FRMPD4: variants seen among roughly 807,000 people sequenced by gnomAD.
The protein encoded by FRMPD4 is FERM and PDZ domain containing 4.
A neutral mutation model predicts 94.1 loss-of-function variants in FRMPD4; 22 were observed. The ratio of observed to expected loss-of-function variants is 0.23; its 90% CI spans 0.17 to 0.33. The LOEUF (loss-of-function observed/expected upper bound fraction) is 0.33. Ranked by LOEUF, FRMPD4 falls within the 10% of genes least tolerant of loss-of-function variation. The probability of loss-of-function intolerance (pLI) is 1.00; values close to 1 mark genes in which losing one functional copy is unlikely to be tolerated. For synonymous variants in FRMPD4, 631 were observed against 548.6 expected (o/e 1.15, Z -2.10); for missense variants, 1,111 against 1,339.9 (o/e 0.83, Z 2.67).
At chrX:12,258,952 T>A (rs1468217176) in intron 1 of FRMPD4, among the ~76,000 whole-genome samples, 2 of 111,868 alleles carry the variant, frequency 1.8e-5, no homozygotes, top group Non-Finnish European at 3.8e-5. Flanking sequence ...AACCAACCTC[T>A]CTTCATTTCT....
chrX:12,400,818 C>G (rs143031373), intron 1 of FRMPD4, among the ~76,000 whole-genome samples: 2 of 112,133 alleles, frequency 1.8e-5, no homozygotes, highest in African/African-American at 6.5e-5. Context: ...GATTTGAAGA[C>G]AACACTTGGA....
rs954337662 is a variant in FRMPD4 at position 12,401,696 on chromosome X, A to G, written c.42-96984A>G. Among the ~76,000 whole-genome samples, 3 of 112,174 alleles carry G rather than the reference A, an allele frequency of 2.7e-5. No homozygotes were observed. The Admixed American group carries it at 2.8e-4, about 11-fold the overall frequency. ...AGAGTCAGTTGGCCTTAGATATGTT[A>G]TCCTATGAATATTTCAGAGACATAA... On this transcript the variant is annotated intron_variant, in intron 1 of 16. Transcript: ENST00000675598.
intron 1 of FRMPD4, among the ~76,000 whole-genome samples, chrX:11,841,756 A>G (rs758929977): frequency 0.043 from 4,533 of 104,545 alleles, 86 homozygotes; most frequent in African/African-American, 0.088. Flanking sequence ...GTTTAATTAG[A>G]TCCCATTTGT....
At chrX:12,652,461 T>C (rs948726352) in intron 4 of FRMPD4, among the ~76,000 whole-genome samples, 1 of 111,954 alleles carries the variant, frequency 8.9e-6, no homozygotes, top group African/African-American at 3.2e-5. Context: ...ATCACCGTTA[T>C]CTATTTTCAA....
chrX:12,402,455 ACCAT>A (rs1367743023), intron 1 of FRMPD4, among the ~76,000 whole-genome samples: 3 of 111,404 alleles, frequency 2.7e-5, no homozygotes, highest in Non-Finnish European at 5.7e-5. Context: ...AGTAAGTTGC[ACCAT>A]CTCAGTTACT....
At chrX:11,965,790 G>A (rs149110934) in intron 3 of FRMPD4, among the ~76,000 whole-genome samples, 252 of 112,032 alleles carry the variant, frequency 2.2e-3, no homozygotes, top group African/African-American at 7.7e-3. Flanking sequence ...AAAAGAAAGC[G>A]GTATTAGCTA....
intron 3 of FRMPD4, among the ~76,000 whole-genome samples, chrX:11,983,032 A>G (rs1286454133): frequency 3.6e-5 from 4 of 111,718 alleles, no homozygotes; most frequent in Non-Finnish European, 7.5e-5. Context: ...TGCAGAAAAT[A>G]TTGATGCTTG....
rs868033244 is a variant in FRMPD4, at chrX:11,899,061, A to G, written c.95+21043A>G. On this transcript the variant is annotated intron_variant, in intron 3 of 18. Coordinates refer to the FRMPD4 transcript ENST00000640291. ...AAAACTACGAAATGGCTTTTCCATC[A>G]AAGCAAATTTGAAAAAGTATTGAGA... is the stretch of plus-strand genomic sequence containing the variant. 1.2e-4 allele frequency among the ~76,000 whole-genome samples: 13 copies of G among 112,700 alleles called. No individual in the cohort carries two copies. The Middle Eastern group carries it at 0.014, about 119-fold the overall frequency.
chrX:12,367,579 C>T (rs913333571), intron 1 of FRMPD4, among the ~76,000 whole-genome samples: 1 of 111,470 alleles, frequency 9.0e-6, no homozygotes, highest in African/African-American at 3.3e-5. Context: ...AGTCCAGTTA[C>T]GGGGCCGCTG....
intron 3 of FRMPD4, among the ~76,000 whole-genome samples, chrX:11,889,104 T>C (rs1211992289): frequency 8.9e-6 from 1 of 112,465 alleles, no homozygotes; most frequent in East Asian, 2.8e-4. Flanking sequence ...GTCTCAAATA[T>C]ATGTTTAGTG....
chrX:12,526,274 C>T (rs768090574), intron 2 of FRMPD4, among the ~76,000 whole-genome samples: 8 of 112,564 alleles, frequency 7.1e-5, no homozygotes, highest in Middle Eastern at 4.6e-3. Flanking sequence ...GAGCTGGGTG[C>T]AGTCTGACAT....
chrX:12,675,658 A>G (rs184066445), intron 5 of FRMPD4, among the ~76,000 whole-genome samples: 121 of 111,572 alleles, frequency 1.1e-3, no homozygotes, highest in East Asian at 8.4e-4. Context: ...CTATTTGTAT[A>G]GACTTGCCAC....
intron 1 of FRMPD4, among the ~76,000 whole-genome samples, chrX:12,410,274 G>A (rs769080157): frequency 9.0e-6 from 1 of 111,516 alleles, no homozygotes; most frequent in South Asian, 3.8e-4. Flanking sequence ...GTGTGCATTC[G>A]TTTTTGCAAG....
intron 2 of FRMPD4, among the ~76,000 whole-genome samples, chrX:12,545,946 G>A (rs1055038566): frequency 2.7e-5 from 3 of 112,334 alleles, no homozygotes; most frequent in Non-Finnish European, 5.6e-5. Context: ...GGTTTTTATC[G>A]TGCAACAGTT....
At chrX:12,067,149 C>G (rs1390638259) in intron 3 of FRMPD4, among the ~76,000 whole-genome samples, 1 of 109,721 alleles carries the variant, frequency 9.1e-6, no homozygotes, top group Admixed American at 9.7e-5. Flanking sequence ...GGATTACAGG[C>G]GTGAGCCACC....
chrX:12,163,259 G>A (rs2056054612), intron 1 of FRMPD4, among the ~76,000 whole-genome samples: 1 of 110,748 alleles, frequency 9.0e-6, no homozygotes, highest in African/African-American at 3.3e-5. Flanking sequence ...AGGAGTTTGA[G>A]CAAGATAAAC....
Position 12,035,398 on chromosome X carries a change from T to C in FRMPD4, c.95+157380T>C, listed in dbSNP as rs1427563020. On this transcript the variant is annotated intron_variant, in intron 3 of 18. Transcript: ENST00000640291. Reference sequence around the variant, plus strand: ...AACAATCAAAGGCTGGTTTCGGTGATGGAGTCAAGCTAAAAACACTGGTTG... The same window carrying C: ...AACAATCAAAGGCTGGTTTCGGTGACGGAGTCAAGCTAAAAACACTGGTTG... 8.9e-5 allele frequency among the ~76,000 whole-genome samples: 10 copies of C among 111,934 alleles called. No individual in the cohort carries two copies. In the East Asian group the frequency reaches 2.8e-3, roughly 31 times the overall value.
At chrX:12,146,232 C>T (rs749164799) in intron 1 of FRMPD4, among the ~76,000 whole-genome samples, 6 of 110,214 alleles carry the variant, frequency 5.4e-5, no homozygotes, top group Admixed American at 4.8e-4. Flanking sequence ...GGCGTGGTGG[C>T]GGGCGCTTGT....
At chrX:12,700,392 G>A (rs772229462) in intron 9 of FRMPD4, among the ~76,000 whole-genome samples, 1 of 112,308 alleles carries the variant, frequency 8.9e-6, no homozygotes, top group Non-Finnish European at 1.9e-5. Flanking sequence ...GTGAACGCAC[G>A]TGTAGAATAT....
Sources: gnomAD v4.1 joint callset for allele counts (sites outside exome capture counted in the v4.1 genomes callset) on GRCh38, gnomAD v4.1.1 for gene constraint, MANE v1.5 for transcripts, NCBI Gene and HGNC (gene_info 2026-07-23, HGNC 2026-07-21) for gene names.